P2RX4: variants seen among roughly 807,000 people sequenced by gnomAD.
The protein encoded by P2RX4 is purinergic receptor P2X 4, also known as P2X purinoceptor 4.
P2RX4 carries 37 observed loss-of-function variants against 48.0 expected under a neutral mutation model. That is an observed-to-expected ratio of 0.77 (90% CI 0.59 to 1.01). The LOEUF is 1.01. Among genes scored for constraint, P2RX4 ranks in the 50% least tolerant of loss-of-function variants. P2RX4 has a pLI of 0.00. For synonymous variants in P2RX4, 200 were observed against 199.7 expected, an observed-to-expected ratio of 1.00 and a Z score of -0.01; for missense variants, 501 against 521.4, an observed-to-expected ratio of 0.96 and a Z score of 0.38.
In P2RX4 at chr12:121,228,845, T is replaced by C; in HGVS notation, c.726T>C (p.Ser242=). The C allele has an allele frequency of 1.2e-6, 2 of 1,614,152 alleles. No individual in the cohort carries two copies. The highest frequency in any genetic ancestry group is 1.7e-6 in the Non-Finnish European group (2 of 1,180,028). The change falls in exon 7 of 12, where the codon AGT becomes AGC. Residue 242 remains serine (S), a synonymous_variant. Coordinates refer to ENST00000337233, the MANE Select transcript of P2RX4 (RefSeq NM_002560.3). Reference sequence around the variant, plus strand: ...AAATAGTGGAGAACGCAGGACACAGTTTCCAGGACATGGCCGTGGAGGTGG... The same window carrying C: ...AAATAGTGGAGAACGCAGGACACAGCTTCCAGGACATGGCCGTGGAGGTGG... ...LGKIVENAGH[S]FQDMAVEGGI...
intron 5 of P2RX4, among the ~76,000 whole-genome samples, chr12:121,225,255 T>G (rs1039365919): frequency 3.9e-5 from 6 of 151,936 alleles, no homozygotes; most frequent in Admixed American, 3.9e-4. Flanking sequence ...GTATTTTTAG[T>G]AGAGATGCAG....
Position 121,217,190 on chromosome 12 carries a change from T to A in P2RX4, c.191T>A (p.Val64Asp), listed in dbSNP as rs191138125. The A allele has an allele frequency of 2.8e-4, 446 of 1,614,184 alleles. No individual in the cohort carries two copies. Among genetic ancestry groups the A allele is most frequent in the Non-Finnish European group, 3.3e-4 (385 of 1,179,992 alleles). Residue 64 changes from valine to aspartate, a missense_variant, in exon 2 of 12, where the codon GTT becomes GAT. Transcript: ENST00000337233. The stretch of plus-strand genomic sequence containing the variant: ...GAAACTGACTCCGTGGTCAGCTCCG[T>A]TACGACCAAGGTCAAGGGCGTGGCT... The part of the protein sequence containing the change: ...YQETDSVVSS[V>D]TTKVKGVAVT...
At position 121,233,097 on chromosome 12, in the gene P2RX4, G is replaced by A; in HGVS notation, c.1140+5G>A. On this transcript the variant is annotated splice_donor_5th_base_variant and intron_variant, in intron 11 of 11. Coordinates refer to ENST00000337233, the MANE Select transcript of P2RX4 (RefSeq NM_002560.3). Reference sequence around the variant, plus strand: ...TATGTGGAAGATTACGAGCAGGTAGGCCCCTCCTGGCCCCCAGCAGGCACA... The same window carrying A: ...TATGTGGAAGATTACGAGCAGGTAGACCCCTCCTGGCCCCCAGCAGGCACA... 1.9e-6 allele frequency: 3 copies of A among 1,579,872 alleles called. No homozygotes were observed. Among genetic ancestry groups the A allele is most frequent in the East Asian group, 4.5e-5 (2 of 44,618 alleles).
At chr12:121,222,228 GTC>G in intron 4 of P2RX4, 62 bp downstream of exon 4, 2 of 1,120,368 alleles carry the variant, frequency 1.8e-6, no homozygotes, top group South Asian at 2.5e-5. Context: ...ACTGTGGAGC[GTC>G]TCTGATAGAG....
At chr12:121,233,135 C>A in intron 11 of P2RX4, 43 bp downstream of exon 11, 1 of 1,403,360 alleles carries the variant, frequency 7.1e-7, no homozygotes, top group Non-Finnish European at 1.0e-6. Context: ...CCTCTCATCT[C>A]TTGGGTGTGG....
rs1049836746 is a variant in P2RX4, at chr12:121,222,659, G to A, written c.428-288G>A. 1.6e-4 allele frequency: 162 copies of A among 999,006 alleles called. No homozygotes were observed. The African/African-American group carries it at 2.1e-3, about 13-fold the overall frequency. The allele number at this position is 999,006 out of a possible 1,614,324, so 61.9% of individuals were successfully genotyped here. A position where few individuals can be genotyped will look rare whatever the true frequency, so the allele number is the denominator to read the frequency against. On this transcript the variant is annotated intron_variant, in intron 4 of 11. Transcript: ENST00000337233. Reference sequence around the variant, plus strand: ...ACTCCTGACCTCAGGTGATCCACCCGCCTCAGCCTCCCAAAGTGCTAGGAT... The same window carrying A: ...ACTCCTGACCTCAGGTGATCCACCCACCTCAGCCTCCCAAAGTGCTAGGAT...
rs769538385 is a variant in P2RX4, at chr12:121,210,210, G to T, written c.46G>T (p.Asp16Tyr). The T allele has an allele frequency of 1.9e-6, 3 of 1,554,650 alleles. No homozygotes were observed. Among genetic ancestry groups the T allele is most frequent in the Non-Finnish European group, 1.7e-6 (2 of 1,155,680 alleles). The change falls in exon 1 of 12, where the codon GAC becomes TAC. Residue 16 changes from aspartate (D) to tyrosine (Y), a missense_variant. Around this residue, in one of 3 missense-constraint regions of P2RX4, gnomAD observed 295 missense variants for 275.3 expected, o/e 1.07. Coordinates refer to ENST00000337233, the MANE Select transcript of P2RX4 (RefSeq NM_002560.3). ...AALAAFLFEY[D>Y]TPRIVLIRSR... ...GCTGGCGGCCTTCCTGTTCGAGTAC[G>T]ACACGCCGCGCATCGTGCTCATCCG...
Position 121,233,931 on chromosome 12 carries a change from CA to C in P2RX4, c.*383del, listed in dbSNP as rs1322954386. The C allele has an allele frequency of 3.6e-6, 1 of 277,920 alleles. No individual in the cohort carries two copies. Among genetic ancestry groups the C allele is most frequent in the African/African-American group, 2.1e-5 (1 of 46,612 alleles). The allele number at this position is 277,920 out of a possible 1,614,324, so 17.2% of individuals were successfully genotyped here. On this transcript the variant is annotated 3_prime_UTR_variant, in exon 12 of 12. Transcript: ENST00000337233. ...CTGAGGCACGGCGGCTCTGTTCAAG[CA>C]CTTTATGCGGCAGGGGAGGCCGCCT...
intron 1 of P2RX4, chr12:121,213,180 A>G (rs949256756): frequency 3.9e-5 from 6 of 152,094 alleles, no homozygotes; most frequent in African/African-American, 1.4e-4. Flanking sequence ...AAATCACAGT[A>G]CTTTGGGAGG....
In P2RX4 at chr12:121,232,709, G is replaced by A. The variant is rs767568291; in HGVS notation, c.1044+33G>A. The A allele has an allele frequency of 6.4e-6, 10 of 1,561,024 alleles. No individual in the cohort carries two copies. The highest frequency in any genetic ancestry group is 1.4e-5 in the African/African-American group (1 of 73,902). ...GTTTAGGCCCTGCCTTCACCCTCACGGTGAGGTGAGACCCTGGGCTGGGGT... is the reference window on the plus strand; with the variant it reads ...GTTTAGGCCCTGCCTTCACCCTCACAGTGAGGTGAGACCCTGGGCTGGGGT... On this transcript the variant is annotated intron_variant, in intron 10 of 11. Transcript: ENST00000337233. The surrounding 1 kb of genome is among the most constrained non-coding windows in gnomAD (Gnocchi z 4.3).
chr12:121,221,695 T>C (rs1347021512), intron 2 of P2RX4, among the ~76,000 whole-genome samples: 4 of 152,162 alleles, frequency 2.6e-5, no homozygotes, highest in Non-Finnish European at 5.9e-5. Flanking sequence ...GCCCGACCTG[T>C]TTCCACCTTT....
rs890705540 is a variant in P2RX4 at position 121,229,430 on chromosome 12, C to T, written c.884+331C>T. On this transcript the variant is annotated intron_variant, in intron 8 of 11. Coordinates refer to ENST00000337233, the MANE Select transcript of P2RX4 (RefSeq NM_002560.3). This position sits in a 1 kb window ranked among gnomAD's most constrained non-coding sequence, Gnocchi z 4.6. ...GACCTCCATTCACTGCCTCAAGGAG[C>T]GGATGATCTTGTGATCCTCCAGTCC... Among the ~76,000 whole-genome samples the T allele has an allele frequency of 2.0e-5, 3 of 152,202 alleles. No individual in the cohort carries two copies. The highest frequency in any genetic ancestry group is 4.8e-5 in the African/African-American group (2 of 41,450).
intron 8 of P2RX4, among the ~76,000 whole-genome samples, chr12:121,230,491 G>GA (rs1887272733): frequency 1.3e-5 from 2 of 152,158 alleles, no homozygotes; most frequent in African/African-American, 4.8e-5. Flanking sequence ...CGATCCATAC[G>GA]GGATCCTAAG....
chr12:121,225,240 T>C (rs1370721568), intron 5 of P2RX4, among the ~76,000 whole-genome samples: 1 of 151,462 alleles, frequency 6.6e-6, no homozygotes, highest in Non-Finnish European at 1.5e-5. Flanking sequence ...ACCTTGCTAA[T>C]TTTTGTATTT....
intron 1 of P2RX4, chr12:121,216,925 T>C: frequency 1.4e-6 from 1 of 706,566 alleles, no homozygotes; most frequent in Non-Finnish European, 2.6e-6. Context: ...ACCATCTCAT[T>C]TATTTCCCGC....
chr12:121,228,095 A>G (rs2393849), intron 5 of P2RX4, among the ~76,000 whole-genome samples: 26,683 of 151,824 alleles, frequency 0.18, 2,593 homozygotes, highest in East Asian at 0.31. Context: ...ACCCTGTCTC[A>G]AAAATATATA....
intron 2 of P2RX4, among the ~76,000 whole-genome samples, chr12:121,218,066 C>T (rs535512932): frequency 6.6e-6 from 1 of 152,210 alleles, no homozygotes; most frequent in South Asian, 2.1e-4. Context: ...ACTCTTGGCT[C>T]AGAGCTCTTG....
At chr12:121,222,200 C>A in intron 4 of P2RX4, 34 bp downstream of exon 4, 2 of 1,440,502 alleles carry the variant, frequency 1.4e-6, no homozygotes, top group Non-Finnish European at 2.0e-6. Context: ...GAGGGCGGCC[C>A]CTGAGCAGAT....
chr12:121,233,410 G>A, intron 11 of P2RX4, 113 bp from the exon 12 acceptor site: 1 of 1,160,474 alleles, frequency 8.6e-7, no homozygotes, highest in Non-Finnish European at 1.3e-6. Flanking sequence ...TGGGTTCCAG[G>A]CCTGGGACCA....
Sources: gnomAD v4.1 joint callset for allele counts (sites outside exome capture counted in the v4.1 genomes callset) on GRCh38, gnomAD v4.1.1 for gene constraint, gnomAD v4.1.1 regional missense constraint, Gnocchi (gnomAD v3.1) non-coding constraint, MANE v1.5 for transcripts, NCBI Gene and HGNC (gene_info 2026-07-23, HGNC 2026-07-21) for gene names.